The following P2RX7 variants were observed in gnomAD, a reference collection of about 807,000 sequenced individuals.
P2RX7 encodes the protein P2X purinoceptor 7.
Under a neutral mutation model 71.6 loss-of-function variants are expected in P2RX7, and 62 were observed. The observed-to-expected ratio is 0.87, with a 90% CI of 0.71 to 1.07. The LOEUF (loss-of-function observed/expected upper bound fraction) is 1.07, where lower values mean the gene tolerates loss of function less well. Among genes scored for constraint, P2RX7 ranks in the 50% least tolerant of loss-of-function variants. P2RX7 has a pLI of 0.00. For synonymous variants in P2RX7, 299 were observed against 283.3 expected, an observed-to-expected ratio of 1.06 and a Z score of -0.56; for missense variants, 686 against 748.5, an observed-to-expected ratio of 0.92 and a Z score of 0.97.
chr12:121,162,580 C>G, intron 5 of P2RX7, 60 bp downstream of exon 5: 1 of 1,587,714 alleles, frequency 6.3e-7, no homozygotes, highest in Non-Finnish European at 8.5e-7. Context: ...GAGGCCTTGC[C>G]GAGGCTGCTT....
chr12:121,164,858 A>T (rs546621707), intron 5 of P2RX7, among the ~76,000 whole-genome samples: 1 of 152,354 alleles, frequency 6.6e-6, no homozygotes, highest in South Asian at 2.1e-4. Flanking sequence ...TAATTGACTC[A>T]CAGCTCCACA....
chr12:121,182,061 T>TAA (rs57873643), intron 12 of P2RX7, among the ~76,000 whole-genome samples: 9,642 of 128,826 alleles, frequency 0.075, 1,045 homozygotes, highest in African/African-American at 0.24. Context: ...AAGCTCCATC[T>TAA]AAAAAAAAAA....
At chr12:121,159,966 T>C (rs1879322099) in intron 3 of P2RX7, among the ~76,000 whole-genome samples, 1 of 152,190 alleles carries the variant, frequency 6.6e-6, no homozygotes, top group Non-Finnish European at 1.5e-5. Flanking sequence ...TTTATTTGTA[T>C]TGGGATATAA....
intron 8 of P2RX7, among the ~76,000 whole-genome samples, chr12:121,167,953 T>C (rs531095): frequency 0.39 from 59,021 of 151,600 alleles, 11,945 homozygotes; most frequent in African/African-American, 0.45. Flanking sequence ...GCTGAGATTA[T>C]AGGCGGATGC....
intron 1 of P2RX7, among the ~76,000 whole-genome samples, chr12:121,151,047 T>G (rs1877290713): frequency 6.6e-6 from 1 of 152,018 alleles, no homozygotes; most frequent in Non-Finnish European, 1.5e-5. Flanking sequence ...TTCATCCCAT[T>G]CTCTTTCCTT....
At position 121,185,024 on chromosome 12, in the gene P2RX7, G is replaced by A. The variant is rs1389692774; in HGVS notation, c.*222G>A. ...CACTTGAACCCGGGAGGCAGAGGTT[G>A]TAGTGAGCCCAGATTGTGCCACTGC... On this transcript the variant is annotated 3_prime_UTR_variant, in exon 13 of 13. Transcript: ENST00000328963. 2.1e-6 allele frequency: 1 copy of A among 484,098 alleles called. No individual in the cohort carries two copies. The highest frequency in any genetic ancestry group is 2.0e-5 in the African/African-American group (1 of 51,178). 30.0% of individuals were successfully genotyped at this position (484,098 alleles called of 1,614,324 possible).
intron 8 of P2RX7, among the ~76,000 whole-genome samples, chr12:121,171,357 CTCTTT>C (rs1167265675): frequency 6.1e-5 from 8 of 131,926 alleles, no homozygotes; most frequent in African/African-American, 1.8e-4. Context: ...TGTCTTCAAT[CTCTTT>C]TTTTTTTTTT....
chr12:121,171,965 G>A (rs1018302644), intron 8 of P2RX7, among the ~76,000 whole-genome samples: 1 of 150,484 alleles, frequency 6.6e-6, no homozygotes, highest in Non-Finnish European at 1.5e-5. Context: ...GGGTTCACAC[G>A]ATTCTCTTGC....
At chr12:121,150,161 T>C (rs938338840) in intron 1 of P2RX7, among the ~76,000 whole-genome samples, 9 of 152,214 alleles carry the variant, frequency 5.9e-5, no homozygotes, top group Non-Finnish European at 1.3e-4. Flanking sequence ...CTCACTTTCA[T>C]GATCACAGTA....
chr12:121,159,248 C>T (rs1006994070), intron 3 of P2RX7, among the ~76,000 whole-genome samples: 3 of 151,868 alleles, frequency 2.0e-5, no homozygotes, highest in Non-Finnish European at 4.4e-5. Flanking sequence ...GAAACACCGT[C>T]TCTACTAAAA....
At chr12:121,179,907 T>G (rs1883829520) in intron 11 of P2RX7, among the ~76,000 whole-genome samples, 1 of 152,104 alleles carries the variant, frequency 6.6e-6, no homozygotes, top group Non-Finnish European at 1.5e-5. Flanking sequence ...CCCAGCACTT[T>G]GGTAGGCCAA....
chr12:121,163,597 GTAGA>G (rs3078807), intron 5 of P2RX7, among the ~76,000 whole-genome samples: 24,843 of 129,696 alleles, frequency 0.19, 2,231 homozygotes, highest in East Asian at 0.2. Flanking sequence ...AGATAGACAG[GTAGA>G]TAGATAGATA....
At chr12:121,162,979 G>A (rs1404608267) in intron 5 of P2RX7, among the ~76,000 whole-genome samples, 2 of 151,504 alleles carry the variant, frequency 1.3e-5, no homozygotes, top group South Asian at 2.1e-4. Context: ...GTAAAAGAGG[G>A]GGGGAAGGAA....
chr12:121,159,999 A>G (rs1485361668), intron 3 of P2RX7, among the ~76,000 whole-genome samples: 1 of 152,172 alleles, frequency 6.6e-6, no homozygotes, highest in Non-Finnish European at 1.5e-5. Flanking sequence ...AAACCCCACC[A>G]TTTTAAAGTG....
In P2RX7 at chr12:121,185,319, C is replaced by G. The variant is rs1884774888; in HGVS notation, c.*517C>G. On this transcript the variant is annotated 3_prime_UTR_variant, in exon 13 of 13. Transcript: ENST00000328963. Reference sequence around the variant, plus strand: ...AGAGATTGAGATGTAAGTCTCAACTCTGTCCCCAGGAAGTTGTGTGACCCT... The same window carrying G: ...AGAGATTGAGATGTAAGTCTCAACTGTGTCCCCAGGAAGTTGTGTGACCCT... 1 of 154,248 alleles carries G rather than the reference C, an allele frequency of 6.5e-6. No homozygotes were observed. Among genetic ancestry groups the G allele is most frequent in the Non-Finnish European group, 1.4e-5 (1 of 69,468 alleles). The allele number at this position is 154,248 out of a possible 1,614,324, so 9.6% of individuals were successfully genotyped here. A position where few individuals can be genotyped will look rare whatever the true frequency, so the allele number is the denominator to read the frequency against.
chr12:121,150,631 G>A (rs117096891), intron 1 of P2RX7, among the ~76,000 whole-genome samples: 404 of 152,304 alleles, frequency 2.7e-3, no homozygotes, highest in Non-Finnish European at 4.5e-3. Flanking sequence ...AATGTTGGCC[G>A]TGTGCACTGG....
chr12:121,148,747 C>G lies in P2RX7; in HGVS notation c.126-6038C>G, dbSNP rs571614731. Among the ~76,000 whole-genome samples the G allele has an allele frequency of 7.4e-4, 113 of 152,312 alleles. 1 individual carries two copies. Among genetic ancestry groups the G allele is most frequent in the Admixed American group, 2.2e-3 (33 of 15,302 alleles). On this transcript the variant is annotated intron_variant, in intron 1 of 12. Transcript: ENST00000328963. ...TCTCAGAGCATCTCTTGGGTCCTCG[C>G]CCCTTGCTGAGCCCCCACCATGGCC...
intron 5 of P2RX7, among the ~76,000 whole-genome samples, chr12:121,162,933 G>A (rs779868043): frequency 1.2e-4 from 18 of 151,946 alleles, no homozygotes; most frequent in Non-Finnish European, 2.1e-4. Context: ...CGAGGAAAGA[G>A]AAGGGGAAGG....
chr12:121,167,353 G>T, intron 7 of P2RX7, 135 bp from the exon 8 acceptor site: 1 of 929,230 alleles, frequency 1.1e-6, no homozygotes, highest in Admixed American at 2.1e-5. Flanking sequence ...AGTTAGGTGG[G>T]GCTGTACATA....
Sources: allele counts gnomAD v4.1 joint callset (sites outside exome capture counted in the v4.1 genomes callset), GRCh38; gene constraint gnomAD v4.1.1; transcripts MANE v1.5; gene names NCBI Gene and HGNC (gene_info 2026-07-23, HGNC 2026-07-21).